IL1RAPL1: variants seen among roughly 807,000 people sequenced by gnomAD.
The protein encoded by IL1RAPL1 is interleukin-1 receptor accessory protein-like 1.
A neutral mutation model predicts 48.4 loss-of-function variants in IL1RAPL1; 3 were observed. That is an observed-to-expected ratio of 0.06 (90% CI 0.03 to 0.16). IL1RAPL1 has a LOEUF of 0.16. Ranked by LOEUF, IL1RAPL1 falls within the 10% of genes least tolerant of loss-of-function variation. The pLI is 1.00. For missense variants in IL1RAPL1, 349 were observed against 530.6 expected (o/e 0.66, Z 3.36); for synonymous variants, 185 against 187.7 (o/e 0.99, Z 0.12).
chrX:29,368,736 A>G (rs1050319898), intron 3 of IL1RAPL1, among the ~76,000 whole-genome samples: 2 of 103,693 alleles, frequency 1.9e-5, no homozygotes, highest in African/African-American at 3.5e-5. Flanking sequence ...GCCTCTGTGT[A>G]TGTGTGTGTG....
chrX:29,610,869 A>G lies in IL1RAPL1; in HGVS notation c.704-57561A>G, dbSNP rs763904998. Among the ~76,000 whole-genome samples, 4 of 112,113 alleles carry G rather than the reference A, an allele frequency of 3.6e-5. No individual in the cohort carries two copies. The East Asian group carries it at 8.5e-4, about 24-fold the overall frequency. ...CTCTTTTAGCAGTTGCCATCTGCAC[A>G]TGGCTAAGTGTTGAGGACTAAGCTC... On this transcript the variant is annotated intron_variant, in intron 5 of 10. Coordinates refer to ENST00000378993, the MANE Select transcript of IL1RAPL1 (RefSeq NM_014271.4).
chrX:28,761,723 A>G (rs751301064), intron 1 of IL1RAPL1, among the ~76,000 whole-genome samples: 10 of 111,983 alleles, frequency 8.9e-5, no homozygotes, highest in Admixed American at 6.7e-4. Flanking sequence ...AAACTTGCAC[A>G]TGTACCCCCG....
intron 6 of IL1RAPL1, among the ~76,000 whole-genome samples, chrX:29,769,659 C>T (rs1473465335): frequency 1.1e-5 from 1 of 90,756 alleles, no homozygotes; most frequent in Non-Finnish European, 2.1e-5. Flanking sequence ...CTCTGTCATC[C>T]AGGCTGGAGT....
At chrX:29,234,669 A>G (rs189963842) in intron 2 of IL1RAPL1, among the ~76,000 whole-genome samples, 66 of 112,086 alleles carry the variant, frequency 5.9e-4, no homozygotes, top group Admixed American at 2.7e-3. Context: ...GAAGGTATAT[A>G]ATAAAATGCT....
chrX:29,690,351 A>G (rs1056158093), intron 6 of IL1RAPL1, among the ~76,000 whole-genome samples: 5 of 112,175 alleles, frequency 4.5e-5, no homozygotes, highest in African/African-American at 1.6e-4. Context: ...TAAAGAAGTA[A>G]CAAAGGAAGT....
chrX:29,882,444 C>G (rs1932050705), intron 6 of IL1RAPL1, among the ~76,000 whole-genome samples: 1 of 111,860 alleles, frequency 8.9e-6, no homozygotes, highest in Non-Finnish European at 1.9e-5. Flanking sequence ...TGGAATAATA[C>G]TAGTACTGAC....
At chrX:28,897,966 G>GA (rs1276734117) in intron 2 of IL1RAPL1, among the ~76,000 whole-genome samples, 1 of 111,197 alleles carries the variant, frequency 9.0e-6, no homozygotes, top group Non-Finnish European at 1.9e-5. Context: ...CCAGGAGAGG[G>GA]AATTTCACAA....
intron 1 of IL1RAPL1, among the ~76,000 whole-genome samples, chrX:28,646,160 C>T (rs920519623): frequency 2.7e-5 from 3 of 111,819 alleles, no homozygotes; most frequent in African/African-American, 6.5e-5. Context: ...AGGATTAAAC[C>T]GTTCCACCTC....
intron 6 of IL1RAPL1, among the ~76,000 whole-genome samples, chrX:29,740,122 G>GA (rs1172511347): frequency 0.056 from 2,944 of 52,278 alleles, 91 homozygotes; most frequent in African/African-American, 0.099. Flanking sequence ...CAAAAAAACA[G>GA]AAAAAAAAAA....
intron 1 of IL1RAPL1, among the ~76,000 whole-genome samples, chrX:28,687,395 T>G (rs1156373042): frequency 1.8e-5 from 2 of 112,357 alleles, no homozygotes; most frequent in Non-Finnish European, 1.9e-5. Flanking sequence ...AGTTGAGATT[T>G]TAGTATATTT....
chrX:29,802,971 A>ATG (rs1180777408), intron 6 of IL1RAPL1, among the ~76,000 whole-genome samples: 275 of 80,425 alleles, frequency 3.4e-3, no homozygotes, highest in Non-Finnish European at 4.0e-3. Context: ...ATGTGTACAT[A>ATG]TATACATACA....
chrX:28,737,881 G>C (rs575612953), intron 1 of IL1RAPL1, among the ~76,000 whole-genome samples: 2 of 111,474 alleles, frequency 1.8e-5, no homozygotes, highest in African/African-American at 6.5e-5. Context: ...GATACAAGTT[G>C]AATGAGGCAA....
rs752504308 is a variant in IL1RAPL1 at position 29,537,409 on chromosome X, T to C, written c.704-131021T>C. Among the ~76,000 whole-genome samples, 4 of 110,417 alleles carry C rather than the reference T, an allele frequency of 3.6e-5. No homozygotes were observed. The South Asian group carries it at 1.5e-3, about 42-fold the overall frequency. On this transcript the variant is annotated intron_variant, in intron 5 of 10. Transcript: ENST00000378993. ...AGGAAGGAAGACTTCAGAATAGAAA[T>C]ATCTGGGTGATTTTATTCTACCCTT...
chrX:29,412,006 C>T (rs1254828190), intron 5 of IL1RAPL1, among the ~76,000 whole-genome samples: 1 of 111,570 alleles, frequency 9.0e-6, no homozygotes, highest in Non-Finnish European at 1.9e-5. Flanking sequence ...CATGGTGGCT[C>T]ACACCTGTAA....
intron 6 of IL1RAPL1, among the ~76,000 whole-genome samples, chrX:29,853,602 T>C (rs1037297393): frequency 9.0e-6 from 1 of 111,644 alleles, no homozygotes; most frequent in Non-Finnish European, 1.9e-5. Flanking sequence ...AAGAAAAGAA[T>C]GGCAATTAAA....
At chrX:29,585,885 T>C (rs1372385663) in intron 5 of IL1RAPL1, among the ~76,000 whole-genome samples, 6 of 112,148 alleles carry the variant, frequency 5.4e-5, no homozygotes, top group Non-Finnish European at 1.9e-5. Context: ...TCTGTTTGTT[T>C]GTTTGTTTGT....
chrX:28,955,043 T>C (rs1924567237), intron 2 of IL1RAPL1, among the ~76,000 whole-genome samples: 1 of 112,096 alleles, frequency 8.9e-6, no homozygotes, highest in African/African-American at 3.2e-5. Context: ...ATATAATTGA[T>C]CTTTAAATGT....
intron 1 of IL1RAPL1, among the ~76,000 whole-genome samples, chrX:28,628,990 A>C (rs751725673): frequency 4.1e-4 from 46 of 111,829 alleles, no homozygotes; most frequent in Non-Finnish European, 8.3e-4. Flanking sequence ...TCTTCATTTT[A>C]TCCTAGGAAG....
intron 2 of IL1RAPL1, among the ~76,000 whole-genome samples, chrX:29,247,654 C>A (rs1279294911): frequency 2.7e-5 from 3 of 110,560 alleles, no homozygotes; most frequent in Non-Finnish European, 5.7e-5. Context: ...TGGTGGCGGG[C>A]GCCTATAATC....
Sources: gnomAD v4.1 joint callset for allele counts (sites outside exome capture counted in the v4.1 genomes callset) on GRCh38, gnomAD v4.1.1 for gene constraint, MANE v1.5 for transcripts, NCBI Gene and HGNC (gene_info 2026-07-23, HGNC 2026-07-21) for gene names.